Variants in BTBD8 observed in about 807,000 individuals in gnomAD.
BTBD8 encodes BTB domain containing 8.
In BTBD8, 110 loss-of-function variants were observed where a neutral mutation model predicts 162.9. That is an observed-to-expected ratio of 0.68 (90% CI 0.58 to 0.79). The LOEUF (loss-of-function observed/expected upper bound fraction) is 0.79. Among genes scored for constraint, BTBD8 ranks in the 30% least tolerant of loss-of-function variants. The pLI, the probability that BTBD8 is intolerant of heterozygous loss-of-function variation, is 0.00. For synonymous variants in BTBD8, 667 were observed against 716.1 expected (o/e 0.93, Z 1.10); for missense variants, 1,905 against 2,085.4 (o/e 0.91, Z 1.68).
chr1:92,146,102 G>A (rs927766438), intron 7 of BTBD8, among the ~76,000 whole-genome samples: 2 of 152,096 alleles, frequency 1.3e-5, no homozygotes, highest in African/African-American at 2.4e-5. Flanking sequence ...AAGCAGATTA[G>A]ACCATGTTGT....
chr1:92,161,399 A>C (rs1650270233), intron 9 of BTBD8, among the ~76,000 whole-genome samples: 1 of 152,224 alleles, frequency 6.6e-6, no homozygotes, highest in African/African-American at 2.4e-5. Flanking sequence ...TAACATGGAG[A>C]ATTTTTAAAT....
intron 4 of BTBD8, among the ~76,000 whole-genome samples, 184 bp from the exon 5 acceptor site, chr1:92,129,503 A>G (rs375054766): frequency 8.5e-5 from 13 of 152,274 alleles, no homozygotes; most frequent in South Asian, 2.1e-4. Flanking sequence ...AAAAAACAAA[A>G]AAAAAACCCT....
At chr1:92,084,927 T>C (rs1648119097) in intron 1 of BTBD8, among the ~76,000 whole-genome samples, 1 of 152,184 alleles carries the variant, frequency 6.6e-6, no homozygotes, top group African/African-American at 2.4e-5. Flanking sequence ...CTCACACATA[T>C]CTTTGTAAGG....
intron 4 of BTBD8, 139 bp from the exon 5 acceptor site, chr1:92,129,548 T>A (rs1285212186): frequency 4.3e-6 from 3 of 699,618 alleles, no homozygotes; most frequent in African/African-American, 1.8e-5. Context: ...TTTTATTATG[T>A]AGTAATCCTG....
Position 92,167,840 on chromosome 1 carries a change from T to A in BTBD8, c.1306-8T>A. Reference sequence around the variant, plus strand: ...TTCCTCTTAAATATTAATTTCTGTGTTTTATAGTCACAAGCAATGAGCAGC... The same window carrying A: ...TTCCTCTTAAATATTAATTTCTGTGATTTATAGTCACAAGCAATGAGCAGC... On this transcript the variant is annotated splice_region_variant and splice_polypyrimidine_tract_variant and intron_variant, in intron 10 of 17. Coordinates refer to ENST00000636805, the MANE Select transcript of BTBD8 (RefSeq NM_001376131.1). 2 of 1,546,314 alleles carry A rather than the reference T, an allele frequency of 1.3e-6. No individual in the cohort carries two copies. Among genetic ancestry groups the A allele is most frequent in the Non-Finnish European group, 1.7e-6 (2 of 1,143,594 alleles).
At chr1:92,115,976 A>G (rs1649033346) in intron 4 of BTBD8, among the ~76,000 whole-genome samples, 2 of 152,084 alleles carry the variant, frequency 1.3e-5, no homozygotes, top group African/African-American at 4.8e-5. Context: ...CCTTTTCTAC[A>G]ATAAGCATTT....
rs1332718734 is a variant in BTBD8, at chr1:92,181,723, C to T, written c.4040C>T (p.Pro1347Leu). 8 of 1,551,372 alleles carry T rather than the reference C, an allele frequency of 5.2e-6. No homozygotes were observed. In the Middle Eastern group the frequency reaches 6.7e-4, roughly 129 times the overall value. Residue 1347 changes from proline to leucine, a missense_variant, in exon 17 of 18, where the codon CCA becomes CTA. Around this residue, in one of 3 missense-constraint regions of BTBD8, gnomAD observed 517 missense variants for 606.6 expected, o/e 0.85. Coordinates refer to ENST00000636805, the MANE Select transcript of BTBD8 (RefSeq NM_001376131.1). ...TSDDEIPRKR[P>L]EIWSRSAIVH... ...GATGATGAAATCCCTAGGAAAAGGC[C>T]AGAAATTTGGTCTCGATCTGCAATA...
At chr1:92,104,673 C>T (rs1352532207) in intron 3 of BTBD8, among the ~76,000 whole-genome samples, 3 of 152,220 alleles carry the variant, frequency 2.0e-5, no homozygotes, top group African/African-American at 7.2e-5. Flanking sequence ...CACCAGTAAC[C>T]TGCCAGTTGC....
In BTBD8 at chr1:92,169,034, A is replaced by G. The variant is rs905152510; in HGVS notation, c.1573+39A>G. The G allele has an allele frequency of 8.2e-6, 12 of 1,472,274 alleles. No individual in the cohort carries two copies. The Admixed American group carries it at 2.2e-4, about 27-fold the overall frequency. The allele number at this position is 1,472,274 out of a possible 1,614,324, so 91.2% of individuals were successfully genotyped here. A position where few individuals can be genotyped will look rare whatever the true frequency, so the allele number is the denominator to read the frequency against. On this transcript the variant is annotated intron_variant, in intron 12 of 17. Transcript: ENST00000636805. ...GAGATATTTCAATTCTTATGTAATGATCATTGTGACAGCAGATATTTTGAG... is the reference window on the plus strand; with the variant it reads ...GAGATATTTCAATTCTTATGTAATGGTCATTGTGACAGCAGATATTTTGAG...
At chr1:92,146,899 G>A (rs1557456250) in intron 7 of BTBD8, among the ~76,000 whole-genome samples, 1 of 152,142 alleles carries the variant, frequency 6.6e-6, no homozygotes, top group Non-Finnish European at 1.5e-5. Context: ...CAGTTATGAA[G>A]AAAGCTGCTA....
At chr1:92,142,016 C>G (rs748832292) in intron 7 of BTBD8, among the ~76,000 whole-genome samples, 1 of 152,084 alleles carries the variant, frequency 6.6e-6, no homozygotes, top group Non-Finnish European at 1.5e-5. Context: ...TTTCTACCTC[C>G]CTACAAGTTG....
intron 3 of BTBD8, among the ~76,000 whole-genome samples, chr1:92,103,824 T>A (rs149886678): frequency 2.6e-5 from 4 of 152,336 alleles, no homozygotes; most frequent in Non-Finnish European, 5.9e-5. Flanking sequence ...GTTTGCTTTT[T>A]AATCATCCTT....
intron 2 of BTBD8, among the ~76,000 whole-genome samples, chr1:92,092,873 A>G (rs1291636378): frequency 2.6e-5 from 4 of 152,224 alleles, no homozygotes; most frequent in Non-Finnish European, 5.9e-5. Context: ...GTTTTTGCCT[A>G]TAATCAAAAT....
intron 4 of BTBD8, among the ~76,000 whole-genome samples, chr1:92,123,295 T>C (rs1377197998): frequency 6.6e-6 from 1 of 152,222 alleles, no homozygotes; most frequent in Non-Finnish European, 1.5e-5. Flanking sequence ...GTTTTCCACC[T>C]TTATTCTTCT....
chr1:92,159,212 G>A (rs1046699680), intron 9 of BTBD8, among the ~76,000 whole-genome samples: 8 of 141,576 alleles, frequency 5.7e-5, no homozygotes, highest in South Asian at 4.5e-4. Context: ...TTGCTCTGTC[G>A]CCTAGGCTGG....
chr1:92,134,061 C>G (rs1649573391), intron 5 of BTBD8, among the ~76,000 whole-genome samples: 1 of 152,054 alleles, frequency 6.6e-6, no homozygotes, highest in Non-Finnish European at 1.5e-5. Flanking sequence ...TTTTCCTGCT[C>G]TAGCAGACAG....
rs1651010049 is a variant in BTBD8, at chr1:92,184,147, A to G, written c.5196A>G (p.Thr1732=). 3.2e-6 allele frequency: 5 copies of G among 1,551,642 alleles called. No individual in the cohort carries two copies. The highest frequency in any genetic ancestry group is 4.4e-6 in the Non-Finnish European group (5 of 1,146,870). Residue 1732 remains threonine, a synonymous_variant, in exon 18 of 18, where the codon ACA becomes ACG. Transcript: ENST00000636805. ...TAGCACAGTATCTAATCAATCAGAC[A>G]CTACTTTTAGCACGAGATAGCTCAA... is the stretch of plus-strand genomic sequence containing the variant. ...LSLAQYLINQ[T]LLLARDSSKP...
At chr1:92,102,957 A>G (rs1436801239) in intron 3 of BTBD8, among the ~76,000 whole-genome samples, 4 of 152,200 alleles carry the variant, frequency 2.6e-5, no homozygotes, top group Non-Finnish European at 5.9e-5. Flanking sequence ...GGCAGAGTCA[A>G]TTCTGTTTCA....
chr1:92,171,502 C>G (rs1384115980), intron 13 of BTBD8, 42 bp downstream of exon 13: 1 of 1,170,102 alleles, frequency 8.5e-7, no homozygotes, highest in African/African-American at 1.6e-5. Flanking sequence ...AAAAAGATAA[C>G]AAATTATTTA....
Sources: allele counts gnomAD v4.1 joint callset (sites outside exome capture counted in the v4.1 genomes callset), GRCh38; gene constraint gnomAD v4.1.1; regional missense constraint gnomAD v4.1.1; transcripts MANE v1.5; gene names NCBI Gene and HGNC (gene_info 2026-07-23, HGNC 2026-07-21).